The following ITPRID2 variants were observed in gnomAD, a reference collection of about 807,000 sequenced individuals.
ITPRID2 encodes protein ITPRID2.
ITPRID2 carries 60 observed loss-of-function variants against 124.3 expected under a neutral mutation model. That is an observed-to-expected ratio of 0.48 (90% CI 0.39 to 0.60). The LOEUF is 0.60. Among genes scored for constraint, ITPRID2 ranks in the 20% least tolerant of loss-of-function variants. The pLI, the probability that ITPRID2 is intolerant of heterozygous loss-of-function variation, is 0.00. For missense variants in ITPRID2, 1,553 were observed against 1,512.2 expected (o/e 1.03, Z -0.45); for synonymous variants, 521 against 542.9 (o/e 0.96, Z 0.56).
Position 181,892,503 on chromosome 2 carries a change from C to T in ITPRID2, c.212-112C>T, listed in dbSNP as rs1691818367. The T allele has an allele frequency of 1.4e-6, 2 of 1,382,478 alleles. No homozygotes were observed. Among genetic ancestry groups the T allele is most frequent in the Non-Finnish European group, 2.0e-6 (2 of 975,892 alleles). 85.6% of individuals were successfully genotyped at this position (1,382,478 alleles called of 1,614,324 possible). A position where few individuals can be genotyped will look rare whatever the true frequency, so the allele number is the denominator to read the frequency against. ...CCTGCCAAGGGACACTGAGACGTGT[C>T]GCTTAGGCTGCATTTGCCGTGGTAG... On this transcript the variant is annotated intron_variant, in intron 1 of 17. Coordinates refer to ENST00000431877, the MANE Select transcript of ITPRID2 (RefSeq NM_001130445.3). This position sits in a 1 kb window ranked among gnomAD's most constrained non-coding sequence, Gnocchi z 5.2.
intron 8 of ITPRID2, among the ~76,000 whole-genome samples, chr2:181,909,035 A>G (rs1192160857): frequency 6.6e-6 from 1 of 152,134 alleles, no homozygotes; most frequent in Non-Finnish European, 1.5e-5. Context: ...GAATAGACAG[A>G]GTGTTTGTGG....
At chr2:181,926,827 A>G (rs921509165) in intron 16 of ITPRID2, among the ~76,000 whole-genome samples, 2 of 152,158 alleles carry the variant, frequency 1.3e-5, no homozygotes, top group Admixed American at 6.5e-5. Flanking sequence ...TGGAAAGACT[A>G]TACTCATTGT....
chr2:181,900,535 A>C lies in ITPRID2; in HGVS notation c.504-161A>C, dbSNP rs1319018573. Among the ~76,000 whole-genome samples the C allele has an allele frequency of 2.6e-5, 4 of 152,236 alleles. No homozygotes were observed. The East Asian group carries it at 7.7e-4, about 29-fold the overall frequency. On this transcript the variant is annotated intron_variant, in intron 6 of 17. Coordinates refer to ENST00000431877, the MANE Select transcript of ITPRID2 (RefSeq NM_001130445.3). ...AAGGGCTATTTATTCCCCAGTACAC[A>C]TGTGTAAACATGGTAAAATAAATAA...
chr2:181,897,088 C>A, intron 4 of ITPRID2, 124 bp downstream of exon 4: 2 of 757,894 alleles, frequency 2.6e-6, no homozygotes, highest in Non-Finnish European at 4.6e-6. Context: ...ATGGCTCAGG[C>A]ATATTTTACA....
Position 181,921,995 on chromosome 2 carries a change from C to A in ITPRID2, c.3258C>A (p.Gly1086=). 1 of 1,614,128 alleles carries A rather than the reference C, an allele frequency of 6.2e-7. No individual in the cohort carries two copies. The highest frequency in any genetic ancestry group is 8.5e-7 in the Non-Finnish European group (1 of 1,180,010). The stretch of plus-strand genomic sequence containing the variant: ...AGTCATACCTGAAGTCTGAATTGGG[C>A]CTGGGACTTGGAGAAATGGGATTTG... ...QEQSYLKSEL[G]LGLGEMGFEI... Residue 1086 remains glycine, a synonymous_variant, in exon 16 of 18, where the codon GGC becomes GGA. Coordinates refer to ENST00000431877, the MANE Select transcript of ITPRID2 (RefSeq NM_001130445.3).
In ITPRID2 at chr2:181,922,202, A is replaced by T. The variant is rs756433223; in HGVS notation, c.3465A>T (p.Leu1155=). ...RKKVFRASVA[L]TPTAPSRTGS... ...AAGTGTTCCGAGCATCGGTGGCTCT[A>T]ACGCCAACAGCTCCTTCTAGAACAG... is the stretch of plus-strand genomic sequence containing the variant. Residue 1155 remains leucine, a synonymous_variant, in exon 16 of 18, where the codon CTA becomes CTT. Coordinates refer to ENST00000431877, the MANE Select transcript of ITPRID2 (RefSeq NM_001130445.3). 3 of 1,614,152 alleles carry T rather than the reference A, an allele frequency of 1.9e-6. No individual in the cohort carries two copies. Among genetic ancestry groups the T allele is most frequent in the Non-Finnish European group, 2.5e-6 (3 of 1,180,064 alleles).
chr2:181,910,383 G>T lies in ITPRID2; in HGVS notation c.1486+412G>T, dbSNP rs977040170. Reference sequence around the variant, plus strand: ...GGTATAACACATGAATATTCCTCTAGCAAAACCCACCAATTTTTTAGCAAT... The same window carrying T: ...GGTATAACACATGAATATTCCTCTATCAAAACCCACCAATTTTTTAGCAAT... On this transcript the variant is annotated intron_variant, in intron 9 of 17. Transcript: ENST00000431877. This position sits in a 1 kb window ranked among gnomAD's most constrained non-coding sequence, Gnocchi z 4.1. 1 of 507,488 alleles carries T rather than the reference G, an allele frequency of 2.0e-6. No homozygotes were observed. 31.4% of individuals were successfully genotyped at this position (507,488 alleles called of 1,614,324 possible). A position where few individuals can be genotyped will look rare whatever the true frequency, so the allele number is the denominator to read the frequency against.
chr2:181,897,647 A>G (rs1187331251), intron 4 of ITPRID2, among the ~76,000 whole-genome samples: 1 of 151,628 alleles, frequency 6.6e-6, no homozygotes, highest in African/African-American at 2.4e-5. Flanking sequence ...CTCATTGATC[A>G]AATTGCATAG....
Position 181,929,856 on chromosome 2 carries a change from T to C in ITPRID2, c.*309T>C. 1 of 375,228 alleles carries C rather than the reference T, an allele frequency of 2.7e-6. No individual in the cohort carries two copies. The highest frequency in any genetic ancestry group is 4.7e-6 in the Non-Finnish European group (1 of 210,676). The allele number at this position is 375,228 out of a possible 1,614,324, so 23.2% of individuals were successfully genotyped here. A position where few individuals can be genotyped will look rare whatever the true frequency, so the allele number is the denominator to read the frequency against. ...AGAATTAATTTTAAAACTTGAAGAC[T>C]TCCAGACTTATCCAACTTATAAATA... On this transcript the variant is annotated 3_prime_UTR_variant, in exon 18 of 18. Transcript: ENST00000431877.
chr2:181,901,439 C>G (rs910938934), intron 7 of ITPRID2, among the ~76,000 whole-genome samples: 1 of 152,150 alleles, frequency 6.6e-6, no homozygotes, highest in Non-Finnish European at 1.5e-5. Flanking sequence ...TTGAAAGAGT[C>G]TTAATGGAGT....
At chr2:181,894,250 T>A (rs1236041411) in intron 2 of ITPRID2, 1 of 152,174 alleles carries the variant, frequency 6.6e-6, no homozygotes, top group Non-Finnish European at 1.5e-5. Flanking sequence ...AAGTGCATCT[T>A]TTTTGAGACA....
chr2:181,925,485 TA>T (rs1443346366), intron 16 of ITPRID2, among the ~76,000 whole-genome samples: 3 of 152,236 alleles, frequency 2.0e-5, no homozygotes, highest in African/African-American at 7.2e-5. Context: ...AATAAATTAA[TA>T]AAGACATTGT....
At chr2:181,924,975 T>C (rs1284908989) in intron 16 of ITPRID2, among the ~76,000 whole-genome samples, 1 of 152,210 alleles carries the variant, frequency 6.6e-6, no homozygotes, top group Non-Finnish European at 1.5e-5. Flanking sequence ...ATAGGATGAA[T>C]GAATACATGC....
Position 181,910,093 on chromosome 2 carries a change from A to T in ITPRID2, c.1486+122A>T. On this transcript the variant is annotated intron_variant, in intron 9 of 17. Transcript: ENST00000431877. The surrounding 1 kb of genome is among the most constrained non-coding windows in gnomAD (Gnocchi z 4.1). ...GTGTGAAAAGGCAAAGAACACACAC[A>T]GGTAGGCATGATTCACTATTGTTTG... 1.6e-6 allele frequency: 1 copy of T among 637,416 alleles called. No homozygotes were observed. Among genetic ancestry groups the T allele is most frequent in the Non-Finnish European group, 2.6e-6 (1 of 380,118 alleles). The allele number at this position is 637,416 out of a possible 1,614,324, so 39.5% of individuals were successfully genotyped here. A position where few individuals can be genotyped will look rare whatever the true frequency, so the allele number is the denominator to read the frequency against.
rs1299651593 is a variant in ITPRID2 at position 181,892,148 on chromosome 2, G to A, written c.82G>A (p.Ala28Thr). 22 of 1,557,332 alleles carry A rather than the reference G, an allele frequency of 1.4e-5. No individual in the cohort carries two copies. The highest frequency in any genetic ancestry group is 1.8e-5 in the Non-Finnish European group (21 of 1,150,874). The change falls in exon 1 of 18, where the codon GCC becomes ACC. Residue 28 changes from alanine (A) to threonine (T), a missense_variant. Coordinates refer to ENST00000431877, the MANE Select transcript of ITPRID2 (RefSeq NM_001130445.3). The surrounding 1 kb of genome is among the most constrained non-coding windows in gnomAD (Gnocchi z 5.2). ...QVASRRRKAW[A>T]KCRSSWQASE... ...GGCGAGTCGCAGGAGGAAGGCCTGG[G>A]CCAAGTGCCGCAGCTCCTGGCAAGC...
At chr2:181,900,641 A>G in intron 6 of ITPRID2, 55 bp from the exon 7 acceptor site, 2 of 1,226,678 alleles carry the variant, frequency 1.6e-6, no homozygotes, top group Non-Finnish European at 2.3e-6. Context: ...TGTGGTGTGG[A>G]CTATCAATTT....
chr2:181,920,534 A>G (rs1002170866), intron 14 of ITPRID2, 63 bp from the exon 15 acceptor site: 13 of 1,157,522 alleles, frequency 1.1e-5, no homozygotes, highest in Non-Finnish European at 1.6e-5. Flanking sequence ...CATTATAATT[A>G]TATATGCATG....
chr2:181,920,023 C>G (rs1284967028), intron 14 of ITPRID2, among the ~76,000 whole-genome samples: 2 of 152,052 alleles, frequency 1.3e-5, no homozygotes, highest in Non-Finnish European at 2.9e-5. Context: ...TTTCATACTT[C>G]TAATGTTTCT....
intron 15 of ITPRID2, among the ~76,000 whole-genome samples, chr2:181,921,419 A>G (rs750354060): frequency 2.0e-5 from 3 of 152,018 alleles, no homozygotes; most frequent in Non-Finnish European, 4.4e-5. Flanking sequence ...CGGAGGTTGC[A>G]GTGAGCCGAG....
Sources: gnomAD v4.1 joint callset for allele counts (sites outside exome capture counted in the v4.1 genomes callset) on GRCh38, gnomAD v4.1.1 for gene constraint, Gnocchi (gnomAD v3.1) non-coding constraint, MANE v1.5 for transcripts, NCBI Gene and HGNC (gene_info 2026-07-23, HGNC 2026-07-21) for gene names.